RIN2: variants seen among roughly 807,000 people sequenced by gnomAD.
RIN2 encodes RAB5 interacting protein 2.
Under a neutral mutation model 78.0 loss-of-function variants are expected in RIN2, and 36 were observed. That is an observed-to-expected ratio of 0.46 (90% CI 0.35 to 0.61). The LOEUF (loss-of-function observed/expected upper bound fraction) is 0.61. RIN2 is among the 20% of genes least tolerant of loss of function. The pLI, the probability that RIN2 is intolerant of heterozygous loss-of-function variation, is 0.00. For synonymous variants in RIN2, 466 were observed against 466.8 expected, an observed-to-expected ratio of 1.00 and a Z score of 0.02; for missense variants, 1,087 against 1,159.7, an observed-to-expected ratio of 0.94 and a Z score of 0.91.
At chr20:19,853,283 T>C (rs1360289396) in intron 2 of RIN2, among the ~76,000 whole-genome samples, 2 of 152,108 alleles carry the variant, frequency 1.3e-5, no homozygotes, top group African/African-American at 4.8e-5. Flanking sequence ...AGTCTATCAT[T>C]GATGGACATT....
At chr20:19,969,186 GT>G (rs1671728897) in intron 7 of RIN2, among the ~76,000 whole-genome samples, 1 of 152,138 alleles carries the variant, frequency 6.6e-6, no homozygotes, top group African/African-American at 2.4e-5. Flanking sequence ...ATTTAATCTG[GT>G]TTATCCAAGA....
intron 4 of RIN2, among the ~76,000 whole-genome samples, chr20:19,943,714 G>A (rs992472483): frequency 1.1e-4 from 16 of 152,058 alleles, no homozygotes; most frequent in Non-Finnish European, 2.1e-4. Context: ...AAACTGGATG[G>A]CCTCTGATAG....
At chr20:19,920,988 G>GTTTT (rs34052004) in intron 3 of RIN2, among the ~76,000 whole-genome samples, 93,722 of 151,528 alleles carry the variant, frequency 0.62, 29,318 homozygotes, top group East Asian at 0.92. Context: ...AGTTTTTTGG[G>GTTTT]TTGTTTGTTT....
chr20:19,953,551 C>T (rs1047268671), intron 4 of RIN2, among the ~76,000 whole-genome samples: 23 of 152,082 alleles, frequency 1.5e-4, no homozygotes, highest in Admixed American at 1.2e-3. Context: ...AGCAATTCTC[C>T]CGCCCTAGCC....
At chr20:19,835,476 T>TA (rs989064825) in intron 2 of RIN2, among the ~76,000 whole-genome samples, 4 of 152,248 alleles carry the variant, frequency 2.6e-5, no homozygotes, top group Admixed American at 2.0e-4. Flanking sequence ...CGAGATCAGA[T>TA]AAAAAAGGAC....
rs151002577 is a variant in RIN2, at chr20:19,788,072, A to G, written c.-162-11550A>G. On this transcript the variant is annotated intron_variant, in intron 1 of 12. Transcript: ENST00000255006. ...CTTAGTGCGATCTCAGCAAACTACC[A>G]TGGAAAGGTAACCACTTGAATCTGA... Among the ~76,000 whole-genome samples, 1,466 of 152,296 alleles carry G rather than the reference A, an allele frequency of 9.6e-3. 21 individuals are homozygous for G. Among genetic ancestry groups the G allele is most frequent in the African/African-American group, 0.033 (1,391 of 41,540 alleles).
Position 19,883,067 on chromosome 20 carries a change from G to C in RIN2, c.-36-6499G>C, listed in dbSNP as rs1228720446. Among the ~76,000 whole-genome samples, 3 of 152,144 alleles carry C rather than the reference G, an allele frequency of 2.0e-5. No individual in the cohort carries two copies. In the South Asian group the frequency reaches 6.2e-4, roughly 32 times the overall value. ...CCCATCCATTGTTCAAGGGTCAACT[G>C]TATGCAGACTTTTCAATGACCTTGC... On this transcript the variant is annotated intron_variant, in intron 2 of 12. Transcript: ENST00000255006.
chr20:19,921,301 G>A (rs534833452), intron 3 of RIN2, among the ~76,000 whole-genome samples: 19 of 152,266 alleles, frequency 1.2e-4, no homozygotes, highest in African/African-American at 4.6e-4. Flanking sequence ...TTTTTGGGTG[G>A]TGGATAATTG....
chr20:19,980,642 C>G (rs1160141056), intron 9 of RIN2, among the ~76,000 whole-genome samples: 1 of 152,324 alleles, frequency 6.6e-6, no homozygotes, highest in East Asian at 1.9e-4. Flanking sequence ...GAATGTCACC[C>G]AAAAGACACC....
At chr20:19,790,776 G>A (rs531438707) in intron 1 of RIN2, among the ~76,000 whole-genome samples, 3 of 151,952 alleles carry the variant, frequency 2.0e-5, no homozygotes, top group Admixed American at 1.3e-4. Flanking sequence ...CTTAGTTCAG[G>A]TCTCTCTTAC....
chr20:19,996,741 C>T lies in RIN2; in HGVS notation c.2263C>T (p.Gln755Ter). 6.2e-7 allele frequency: 1 copy of T among 1,613,874 alleles called. No individual in the cohort carries two copies. Among genetic ancestry groups the T allele is most frequent in the Non-Finnish European group, 8.5e-7 (1 of 1,179,852 alleles). The change falls in exon 12 of 13, where the codon CAA becomes TAA. Residue 755 changes from glutamine to a stop codon, truncating the protein, a stop_gained. Transcript: ENST00000255006. LOFTEE classifies it high-confidence loss of function. Reference sequence around the variant, plus strand: ...TCTGATAAAGAATTTCCAAGAAGAACAAGCAGCGCGACTGCTCAGCTCAGA... The same window carrying T: ...TCTGATAAAGAATTTCCAAGAAGAATAAGCAGCGCGACTGCTCAGCTCAGA... The part of the protein sequence containing the change: ...LSLIKNFQEE[Q>*]AARLLSSETR...
rs1308616589 is a variant in RIN2, at chr20:19,992,208, C to T, written c.2109C>T (p.Thr703=). The T allele has an allele frequency of 1.2e-6, 2 of 1,612,366 alleles. No homozygotes were observed. Among genetic ancestry groups the T allele is most frequent in the African/African-American group, 2.7e-5 (2 of 75,056 alleles). ...YGADDFLPVL[T]YVIAQCDMLE... is the part of the protein sequence containing the mutation. ...CTGATGACTTCTTGCCAGTCCTGAC[C>T]TATGTCATAGCCCAGTGTGACATGC... The change falls in exon 11 of 13, where the codon ACC becomes ACT. Residue 703 remains threonine (T), a synonymous_variant. Coordinates refer to ENST00000255006, the MANE Select transcript of RIN2 (RefSeq NM_018993.4).
At chr20:19,827,327 C>T (rs1330565696) in intron 2 of RIN2, among the ~76,000 whole-genome samples, 1 of 152,152 alleles carries the variant, frequency 6.6e-6, no homozygotes. Context: ...AGGAATATGG[C>T]TAAACTGACA....
At chr20:19,995,693 G>A (rs189262492) in intron 11 of RIN2, among the ~76,000 whole-genome samples, 2 of 152,186 alleles carry the variant, frequency 1.3e-5, no homozygotes, top group Non-Finnish European at 1.5e-5. Context: ...GGAAGGGGGG[G>A]GTAAGAAAGG....
intron 2 of RIN2, among the ~76,000 whole-genome samples, chr20:19,834,537 C>T (rs13037391): frequency 0.042 from 6,367 of 152,260 alleles, 177 homozygotes; most frequent in South Asian, 0.12. Context: ...CTCCTGCCCT[C>T]CCACCCCCTT....
intron 2 of RIN2, among the ~76,000 whole-genome samples, chr20:19,803,673 G>A (rs34919933): frequency 0.11 from 16,162 of 152,168 alleles, 920 homozygotes; most frequent in South Asian, 0.18. Flanking sequence ...TGTCTTACCT[G>A]TACAGACTCT....
At chr20:19,776,157 A>G (rs1277893012) in intron 1 of RIN2, among the ~76,000 whole-genome samples, 1 of 152,124 alleles carries the variant, frequency 6.6e-6, no homozygotes, top group Non-Finnish European at 1.5e-5. Flanking sequence ...AACCAGAAAA[A>G]CTAGCTCAGG....
At chr20:19,957,681 A>AG (rs2041597842) in intron 5 of RIN2, among the ~76,000 whole-genome samples, 1 of 148,110 alleles carries the variant, frequency 6.8e-6, no homozygotes, top group South Asian at 2.1e-4. Context: ...TGTCCCCCCC[A>AG]AAAAAAAAAA....
At chr20:19,842,787 A>T (rs1027928891) in intron 2 of RIN2, among the ~76,000 whole-genome samples, 1 of 152,042 alleles carries the variant, frequency 6.6e-6, no homozygotes, top group Non-Finnish European at 1.5e-5. Context: ...TTTAAGAACT[A>T]CATTTTGTAA....
Sources: allele counts gnomAD v4.1 joint callset (sites outside exome capture counted in the v4.1 genomes callset), GRCh38; gene constraint gnomAD v4.1.1; transcripts MANE v1.5; gene names NCBI Gene and HGNC (gene_info 2026-07-23, HGNC 2026-07-21).